The following ZNF609 variants were observed in gnomAD, a reference collection of about 807,000 sequenced individuals.
The protein encoded by ZNF609 is zinc finger protein 609.
Under a neutral mutation model 109.5 loss-of-function variants are expected in ZNF609, and 11 were observed. The ratio of observed to expected loss-of-function variants is 0.10; its 90% CI spans 0.06 to 0.17. The LOEUF (loss-of-function observed/expected upper bound fraction) is 0.17. Ranked by LOEUF, ZNF609 falls within the 10% of genes least tolerant of loss-of-function variation. The pLI, the probability that ZNF609 is intolerant of heterozygous loss-of-function variation, is 1.00. For synonymous variants in ZNF609, 646 were observed against 662.0 expected (o/e 0.98, Z 0.37); for missense variants, 1,559 against 1,772.4 (o/e 0.88, Z 2.16).
At chr15:64,500,404 G>T (rs555479601) in intron 2 of ZNF609, 2 of 732,354 alleles carry the variant, frequency 2.7e-6, no homozygotes, top group South Asian at 3.0e-5. Flanking sequence ...GTTGGGGGCA[G>T]CTACTTTGTA....
intron 3 of ZNF609, among the ~76,000 whole-genome samples, chr15:64,625,934 TATAGAGAGAGAGAGAGAG>T (rs1462303080): frequency 4.1e-4 from 29 of 71,044 alleles, no homozygotes; most frequent in Admixed American, 9.5e-4. Context: ...TATATATATA[TATAGAGAGAGAGAGAGAG>T]AGAGAGAGAG....
Position 64,657,342 on chromosome 15 carries a change from A to G in ZNF609, c.974-13004A>G, listed in dbSNP as rs1303039972. ...ATAAAAGCAGTGTTTGAGGCCGTGC[A>G]TGGTGGCTCACACCTGTAATCCCAG... On this transcript the variant is annotated intron_variant, in intron 3 of 9. Transcript: ENST00000326648. Among the ~76,000 whole-genome samples the G allele has an allele frequency of 4.6e-5, 7 of 152,180 alleles. No homozygotes were observed. The South Asian group carries it at 1.5e-3, about 32-fold the overall frequency.
In ZNF609 at chr15:64,675,812, C is replaced by G. The variant is rs766800988; in HGVS notation, c.2958C>G (p.Ser986Arg). 1 of 1,614,080 alleles carries G rather than the reference C, an allele frequency of 6.2e-7. No homozygotes were observed. The highest frequency in any genetic ancestry group is 1.3e-5 in the African/African-American group (1 of 74,934). Residue 986 changes from serine (S) to arginine (R), a missense_variant, in exon 5 of 10, where the codon AGC (serine) becomes AGG (arginine). Ser to Arg is a moderately radical substitution (Grantham distance 110, BLOSUM62 -1). Around this residue, in one of 4 missense-constraint regions of ZNF609, gnomAD observed 1,204 missense variants for 1,314.1 expected, o/e 0.92. Transcript: ENST00000326648. ...CCTATGTACCCCCCTATGGCTACAG[C>G]GACCAGAGTTACCACACCCACCTTC... is the stretch of plus-strand genomic sequence containing the variant. Reference protein sequence around the residue: ...QYAYVPPYGYSDQSYHTHLLS... With the variant: ...QYAYVPPYGYRDQSYHTHLLS...
chr15:64,621,407 TG>T (rs1256246284), intron 2 of ZNF609, among the ~76,000 whole-genome samples: 13 of 152,182 alleles, frequency 8.5e-5, no homozygotes, highest in African/African-American at 3.1e-4. Context: ...TGGAGTACAG[TG>T]GTGCAATCAT....
At chr15:64,484,758 G>A (rs996693700) in intron 1 of ZNF609, among the ~76,000 whole-genome samples, 2 of 148,026 alleles carry the variant, frequency 1.4e-5, no homozygotes, top group Non-Finnish European at 3.0e-5. Flanking sequence ...GGCGGATCAT[G>A]AGGTCATGAG....
At chr15:64,556,797 T>G (rs1894595486) in intron 2 of ZNF609, among the ~76,000 whole-genome samples, 1 of 152,172 alleles carries the variant, frequency 6.6e-6, no homozygotes. Context: ...GTTTATTGAG[T>G]TTTTTTATAG....
At position 64,665,753 on chromosome 15, in the gene ZNF609, A is replaced by G. The variant is rs146534994; in HGVS notation, c.974-4593A>G. On this transcript the variant is annotated intron_variant, in intron 3 of 9. Transcript: ENST00000326648. The stretch of plus-strand genomic sequence containing the variant: ...GAAACCCCATATCTACTAAAAATAT[A>G]AAATTAGCTGGGCGTGGTGGTACAT... 9.0e-4 allele frequency among the ~76,000 whole-genome samples: 137 copies of G among 152,182 alleles called. 1 individual carries two copies. The East Asian group carries it at 0.025, about 28-fold the overall frequency.
chr15:64,496,189 A>C (rs1893479803), intron 1 of ZNF609, among the ~76,000 whole-genome samples: 1 of 152,254 alleles, frequency 6.6e-6, no homozygotes, highest in African/African-American at 2.4e-5. Context: ...CAGGGCAGGC[A>C]GTACAGTAGA....
chr15:64,640,584 C>T (rs1340249889), intron 3 of ZNF609, among the ~76,000 whole-genome samples: 1 of 152,190 alleles, frequency 6.6e-6, no homozygotes, highest in Admixed American at 6.5e-5. Flanking sequence ...TATTCTTATC[C>T]TAGTTCCTTC....
chr15:64,633,219 C>T (rs972491527), intron 3 of ZNF609, among the ~76,000 whole-genome samples: 1 of 151,918 alleles, frequency 6.6e-6, no homozygotes, highest in African/African-American at 2.4e-5. Context: ...GTGATCACAG[C>T]TCCCTGCAGC....
chr15:64,464,921 T>G (rs1690977778), intron 1 of ZNF609, among the ~76,000 whole-genome samples: 1 of 152,266 alleles, frequency 6.6e-6, no homozygotes, highest in African/African-American at 2.4e-5. Flanking sequence ...TTTGTATGTG[T>G]GAAATTGCAC....
At chr15:64,624,294 T>G (rs1041220862) in intron 3 of ZNF609, among the ~76,000 whole-genome samples, 1 of 152,200 alleles carries the variant, frequency 6.6e-6, no homozygotes, top group Non-Finnish European at 1.5e-5. Context: ...TCTGGATATG[T>G]GTATACAATA....
At chr15:64,578,924 C>A (rs1041817846) in intron 2 of ZNF609, among the ~76,000 whole-genome samples, 2 of 152,012 alleles carry the variant, frequency 1.3e-5, no homozygotes, top group African/African-American at 2.4e-5. Flanking sequence ...ATTGCTTGAG[C>A]CCAAGAGGTT....
At chr15:64,593,258 G>T in intron 2 of ZNF609, 2 of 1,516,868 alleles carry the variant, frequency 1.3e-6, no homozygotes, top group Non-Finnish European at 1.8e-6. Flanking sequence ...AGCCCGCAAG[G>T]ACCGAACACC....
chr15:64,473,614 CTTTT>C (rs920786666), intron 1 of ZNF609, among the ~76,000 whole-genome samples: 14 of 147,818 alleles, frequency 9.5e-5, no homozygotes, highest in African/African-American at 3.0e-4. Context: ...TAGCCTTTTT[CTTTT>C]TTTTTGAGAC....
intron 2 of ZNF609, among the ~76,000 whole-genome samples, chr15:64,607,163 TAAAAAATAAATAAATAAAGTA>T (rs1174225400): frequency 1.3e-4 from 14 of 108,062 alleles, no homozygotes; most frequent in Admixed American, 9.5e-4. Context: ...ATAAATAAAG[TAAAAAATAAATAAATAAAGTA>T]AAAAAAATAA....
At chr15:64,528,848 T>G (rs866112753) in intron 2 of ZNF609, 5 of 856,428 alleles carry the variant, frequency 5.8e-6, no homozygotes, top group Middle Eastern at 6.8e-4. Flanking sequence ...GTGCTCATTG[T>G]AGCCCAGGAT....
At chr15:64,660,340 G>A (rs1303282034) in intron 3 of ZNF609, among the ~76,000 whole-genome samples, 1 of 152,032 alleles carries the variant, frequency 6.6e-6, no homozygotes, top group African/African-American at 2.4e-5. Context: ...GTTCCCCTCT[G>A]GCCTCATAAT....
chr15:64,648,991 G>A (rs568827776), intron 3 of ZNF609, among the ~76,000 whole-genome samples: 19 of 152,040 alleles, frequency 1.2e-4, no homozygotes, highest in Non-Finnish European at 2.8e-4. Context: ...TTACTGCAAA[G>A]TATACAGCAA....
Sources: gnomAD v4.1 joint callset for allele counts (sites outside exome capture counted in the v4.1 genomes callset) on GRCh38, gnomAD v4.1.1 for gene constraint, gnomAD v4.1.1 regional missense constraint, MANE v1.5 for transcripts, NCBI Gene and HGNC (gene_info 2026-07-23, HGNC 2026-07-21) for gene names.